The following GGA1 variants were observed in gnomAD, a reference collection of about 807,000 sequenced individuals.
The protein encoded by GGA1 is ADP-ribosylation factor-binding protein GGA1.
In GGA1, 18 loss-of-function variants were observed where a neutral mutation model predicts 76.9. That is an observed-to-expected ratio of 0.23 (90% confidence interval 0.16 to 0.35). The LOEUF (loss-of-function observed/expected upper bound fraction) is 0.35, where lower values mean the gene tolerates loss of function less well. Among genes scored for constraint, GGA1 ranks in the 10% least tolerant of loss-of-function variants. The pLI is 1.00. For missense variants in GGA1, 755 were observed against 859.0 expected (o/e 0.88, Z 1.51); for synonymous variants, 342 against 354.7 (o/e 0.96, Z 0.40).
chr22:37,623,889 A>C lies in GGA1; in HGVS notation c.832+256A>C. The C allele has an allele frequency of 2.1e-6, 1 of 471,444 alleles. No individual in the cohort carries two copies. Among genetic ancestry groups the C allele is most frequent in the Non-Finnish European group, 3.9e-6 (1 of 256,208 alleles). 29.2% of individuals were successfully genotyped at this position (471,444 alleles called of 1,614,324 possible). A position where few individuals can be genotyped will look rare whatever the true frequency, so the allele number is the denominator to read the frequency against. On this transcript the variant is annotated intron_variant, in intron 9 of 16. Transcript: ENST00000343632. This position sits in a 1 kb window ranked among gnomAD's most constrained non-coding sequence, Gnocchi z 4.6. ...CCGCAGCTGCACAGGAGGCAGACCC[A>C]TCCCCTTTTCACAACTGGGGCTAAG...
Position 37,620,889 on chromosome 22 carries a change from C to T in GGA1, c.504C>T (p.Ile168=). 6.2e-7 allele frequency: 1 copy of T among 1,609,452 alleles called. No individual in the cohort carries two copies. Among genetic ancestry groups the T allele is most frequent in the Non-Finnish European group, 8.5e-7 (1 of 1,175,694 alleles). ...CTCCTCCACGGCCGAAGAATGTGAT[C>T]TTTGAAGATGAGGAGAAATCCAAGG... ...PLPPPRPKNV[I]FEDEEKSKML... The change falls in exon 6 of 17, where the codon ATC becomes ATT. Residue 168 remains isoleucine (I), a synonymous_variant. Coordinates refer to ENST00000343632, the MANE Select transcript of GGA1 (RefSeq NM_013365.5).
rs138525343 is a variant in GGA1 at position 37,630,938 on chromosome 22, G to T, written c.1367G>T (p.Arg456Leu). ...CAGCCAACCCCCCGGCTCACACTCC[G>T]GGACCTGCAGAATAAGAGCAGCAGC... ...KQQPTPRLTL[R>L]DLQNKSSSCS... The change falls in exon 14 of 17, where the codon CGG becomes CTG. Residue 456 changes from arginine (R) to leucine (L), a missense_variant. By Grantham distance (102) the Arg-to-Leu change is moderately radical. Coordinates refer to ENST00000343632, the MANE Select transcript of GGA1 (RefSeq NM_013365.5). 6.2e-7 allele frequency: 1 copy of T among 1,612,924 alleles called. No homozygotes were observed. The highest frequency in any genetic ancestry group is 1.3e-5 in the African/African-American group (1 of 74,858).
rs1462790579 is a variant in GGA1 at position 37,620,412 on chromosome 22, C to A, written c.427+51C>A. On this transcript the variant is annotated intron_variant, in intron 5 of 16. Coordinates refer to ENST00000343632, the MANE Select transcript of GGA1 (RefSeq NM_013365.5). ...GACCAGGGCCTGCCTTCCCCTCCCC[C>A]ACCATGAGCTGGGGCTCCAGCGGCT... 5.6e-6 allele frequency: 9 copies of A among 1,604,116 alleles called. No homozygotes were observed. In the East Asian group the frequency reaches 1.6e-4, roughly 28 times the overall value.
chr22:37,615,508 A>G (rs1248022177), intron 2 of GGA1, among the ~76,000 whole-genome samples: 2 of 151,484 alleles, frequency 1.3e-5, no homozygotes, highest in African/African-American at 2.4e-5. Flanking sequence ...GCTTACGTCT[A>G]TAATCCCAGC....
At chr22:37,619,321 TC>T (rs923901740) in intron 4 of GGA1, among the ~76,000 whole-genome samples, 2 of 151,548 alleles carry the variant, frequency 1.3e-5, no homozygotes, top group Admixed American at 6.6e-5. Flanking sequence ...TGTCGTGGAC[TC>T]CCAAAGTGCC....
At chr22:37,616,766 G>A (rs1449493470) in intron 2 of GGA1, among the ~76,000 whole-genome samples, 156 bp from the exon 3 acceptor site, 1 of 152,170 alleles carries the variant, frequency 6.6e-6, no homozygotes, top group African/African-American at 2.4e-5. Flanking sequence ...AACCTTAGAG[G>A]GCTGAAGTCT....
chr22:37,630,853 C>G, intron 13 of GGA1, 50 bp from the exon 14 acceptor site: 1 of 1,336,656 alleles, frequency 7.5e-7, no homozygotes, highest in Non-Finnish European at 1.1e-6. Context: ...CAGGGGTGAG[C>G]TACCACGCTG....
chr22:37,621,628 C>A lies in GGA1; in HGVS notation c.541C>A (p.Leu181Met). 1 of 1,552,688 alleles carries A rather than the reference C, an allele frequency of 6.4e-7. No homozygotes were observed. The highest frequency in any genetic ancestry group is 1.2e-5 in the South Asian group (1 of 84,126). The change falls in exon 7 of 17, where the codon CTG (leucine) becomes ATG (methionine). Residue 181 changes from leucine to methionine, a missense_variant. Physicochemically the swap from Leu to Met is conservative, Grantham distance 15. Transcript: ENST00000343632. ...DEEKSKMLAR[L>M]LKSSHPEDLR... ...TCTGTCTCTGCAGATGCTGGCCCGC[C>A]TGCTGAAGAGCTCCCATCCCGAAGA... is the stretch of plus-strand genomic sequence containing the variant.
At chr22:37,615,847 A>AT (rs113715893) in intron 2 of GGA1, among the ~76,000 whole-genome samples, 40 of 146,494 alleles carry the variant, frequency 2.7e-4, no homozygotes, top group Admixed American at 5.4e-4. Context: ...CATTCTTTTT[A>AT]TTTTTTTTTT....
chr22:37,618,611 C>T, intron 4 of GGA1, 65 bp downstream of exon 4: 1 of 1,012,280 alleles, frequency 9.9e-7, no homozygotes, highest in East Asian at 2.4e-5. Context: ...AGAGGACCTT[C>T]AGATTGTGGA....
rs952164306 is a variant in GGA1 at position 37,617,543 on chromosome 22, T to TA, written c.204+547dup. 7 of 988,156 alleles carry TA rather than the reference T, an allele frequency of 7.1e-6. No individual in the cohort carries two copies. In the African/African-American group the frequency reaches 8.7e-5, roughly 12 times the overall value. 61.2% of individuals were successfully genotyped at this position (988,156 alleles called of 1,614,324 possible). On this transcript the variant is annotated intron_variant, in intron 3 of 16. Coordinates refer to ENST00000343632, the MANE Select transcript of GGA1 (RefSeq NM_013365.5). ...GAGATACAGTTTCTCTTTTAATACTTACGTGTTTAGTTGGGTGCAGTGGCT... is the reference window on the plus strand; with the variant it reads ...GAGATACAGTTTCTCTTTTAATACTTAACGTGTTTAGTTGGGTGCAGTGGCT...
chr22:37,631,946 G>C, intron 14 of GGA1, 50 bp from the exon 15 acceptor site: 1 of 1,524,882 alleles, frequency 6.6e-7, no homozygotes, highest in Non-Finnish European at 8.9e-7. Flanking sequence ...GGGGCTGAGC[G>C]GATGTGCTGC....
In GGA1 at chr22:37,623,166, G is replaced by A. The variant is rs533908983; in HGVS notation, c.610-161G>A. 7.6e-4 allele frequency among the ~76,000 whole-genome samples: 115 copies of A among 152,286 alleles called. No individual in the cohort carries two copies. The highest frequency in any genetic ancestry group is 5.9e-5 in the Non-Finnish European group (4 of 68,006). ...GGACCAGCGTGCCCTTCCTAGGCAT[G>A]AGGGGCTCCTGGCAGGGCCTGCTGG... On this transcript the variant is annotated intron_variant, in intron 7 of 16. Coordinates refer to ENST00000343632, the MANE Select transcript of GGA1 (RefSeq NM_013365.5). This position sits in a 1 kb window ranked among gnomAD's most constrained non-coding sequence, Gnocchi z 4.6.
At chr22:37,613,186 G>A (rs974881337) in intron 1 of GGA1, 4 of 983,778 alleles carry the variant, frequency 4.1e-6, no homozygotes, top group African/African-American at 3.5e-5. Flanking sequence ...TGAACCTGGT[G>A]TGATGGTAAG....
intron 4 of GGA1, among the ~76,000 whole-genome samples, chr22:37,619,054 C>T (rs1929347420): frequency 6.6e-6 from 1 of 152,118 alleles, no homozygotes; most frequent in Admixed American, 6.5e-5. Flanking sequence ...TTCCCACAGA[C>T]CATGAACGTT....
intron 2 of GGA1, among the ~76,000 whole-genome samples, chr22:37,615,756 A>G (rs1262506708): frequency 6.6e-6 from 1 of 152,134 alleles, no homozygotes; most frequent in Non-Finnish European, 1.5e-5. Context: ...GTGAGACTCC[A>G]TCTCAAAAAA....
At chr22:37,621,495 G>C in intron 6 of GGA1, 121 bp from the exon 7 acceptor site, 1 of 650,598 alleles carries the variant, frequency 1.5e-6, no homozygotes, top group South Asian at 1.8e-5. Context: ...CCATTTCACA[G>C]AGAGCTTAAG....
chr22:37,609,046 C>G, intron 1 of GGA1, 143 bp downstream of exon 1: 1 of 1,457,730 alleles, frequency 6.9e-7, no homozygotes, highest in Non-Finnish European at 9.0e-7. Flanking sequence ...CCTCAGTCGG[C>G]CCCTCAGACC....
At chr22:37,608,957 G>A (rs113827787) in intron 1 of GGA1, 54 bp downstream of exon 1, 11 of 1,334,690 alleles carry the variant, frequency 8.2e-6, no homozygotes, top group South Asian at 1.9e-5. Context: ...GGGGGCACGA[G>A]GCGGGCCCCT....
Sources: allele counts gnomAD v4.1 joint callset (sites outside exome capture counted in the v4.1 genomes callset), GRCh38; gene constraint gnomAD v4.1.1; non-coding constraint Gnocchi (gnomAD v3.1); transcripts MANE v1.5; gene names NCBI Gene and HGNC (gene_info 2026-07-23, HGNC 2026-07-21).